Variants in ABR observed in about 807,000 individuals in gnomAD.
ABR encodes the protein active breakpoint cluster region-related protein.
A neutral mutation model predicts 107.2 loss-of-function variants in ABR; 35 were observed. The ratio of observed to expected loss-of-function variants is 0.33; its 90% confidence interval spans 0.25 to 0.43. The LOEUF (loss-of-function observed/expected upper bound fraction) is 0.43, where lower values mean the gene tolerates loss of function less well. Among genes scored for constraint, ABR ranks in the 20% least tolerant of loss-of-function variants. The pLI is 1.00. For missense variants in ABR, 815 were observed against 1,115.2 expected (o/e 0.73, Z 3.83); for synonymous variants, 498 against 462.0 (o/e 1.08, Z -1.00).
chr17:1,122,166 G>A (rs889197228), intron 2 of ABR, among the ~76,000 whole-genome samples: 3 of 152,242 alleles, frequency 2.0e-5, no homozygotes, highest in African/African-American at 4.8e-5. Flanking sequence ...GTCTCCCAGA[G>A]TGCTGGGATT....
At chr17:1,153,003 C>T (rs543386719) in intron 1 of ABR, among the ~76,000 whole-genome samples, 4 of 152,028 alleles carry the variant, frequency 2.6e-5, no homozygotes, top group Admixed American at 6.5e-5. Context: ...GCAGGAGAAT[C>T]GCCTGAACCA....
intron 16 of ABR, among the ~76,000 whole-genome samples, chr17:1,033,848 C>T (rs1029153058): frequency 6.6e-6 from 1 of 152,138 alleles, no homozygotes; most frequent in African/African-American, 2.4e-5. Context: ...ACCCCTCCTT[C>T]GCCTGCCCCT....
chr17:1,147,756 C>A (rs935437066), intron 1 of ABR, among the ~76,000 whole-genome samples: 5 of 152,166 alleles, frequency 3.3e-5, no homozygotes, highest in Non-Finnish European at 7.3e-5. Context: ...CCCAGCCTCA[C>A]GGAAGCTCCA....
intron 1 of ABR, among the ~76,000 whole-genome samples, chr17:1,140,895 C>A (rs2040259029): frequency 6.6e-6 from 1 of 151,728 alleles, no homozygotes; most frequent in Non-Finnish European, 1.5e-5. Context: ...TCTTCTATTG[C>A]ACTGGGAGGC....
chr17:1,179,609 C>A lies in ABR; in HGVS notation c.61+58G>T. ...CCGATCCCGATCCTGGGGTCCCGAT[C>A]TCCATCCTGGGGTCCCGATCCCGAT... On this transcript the variant is annotated intron_variant, in intron 1 of 22. Coordinates refer to ENST00000302538, the MANE Select transcript of ABR (RefSeq NM_021962.5). The surrounding 1 kb of genome is among the most constrained non-coding windows in gnomAD (Gnocchi z 4.9). 6.9e-7 allele frequency: 1 copy of A among 1,441,828 alleles called. No individual in the cohort carries two copies. Among genetic ancestry groups the A allele is most frequent in the Non-Finnish European group, 9.2e-7 (1 of 1,088,290 alleles). The allele number at this position is 1,441,828 out of a possible 1,614,324, so 89.3% of individuals were successfully genotyped here. A position where few individuals can be genotyped will look rare whatever the true frequency, so the allele number is the denominator to read the frequency against.
chr17:1,078,852 ATCTC>A lies in ABR; in HGVS notation c.700+474_700+477del. The stretch of plus-strand genomic sequence containing the variant: ...ACAGCAGAAGCGAATAATGAGGAGA[ATCTC>A]CATGGCAGCCTCTGTCCCCGCGGCG... On this transcript the variant is annotated intron_variant, in intron 6 of 22. Coordinates refer to ENST00000302538, the MANE Select transcript of ABR (RefSeq NM_021962.5). The surrounding 1 kb of genome is among the most constrained non-coding windows in gnomAD (Gnocchi z 7.5). 1 of 1,535,502 alleles carries A rather than the reference ATCTC, an allele frequency of 6.5e-7. No homozygotes were observed. Among genetic ancestry groups the A allele is most frequent in the Non-Finnish European group, 8.7e-7 (1 of 1,146,784 alleles).
intron 2 of ABR, among the ~76,000 whole-genome samples, chr17:1,120,174 G>A (rs964348260): frequency 3.9e-5 from 6 of 152,186 alleles, no homozygotes; most frequent in Non-Finnish European, 7.3e-5. Context: ...AAACCAACAC[G>A]TGAAAGGTTC....
chr17:1,069,949 C>G lies in ABR; in HGVS notation c.1016+20G>C. On this transcript the variant is annotated intron_variant, in intron 9 of 22. Coordinates refer to ENST00000302538, the MANE Select transcript of ABR (RefSeq NM_021962.5). ...CCGGACCCCCTCCCCCGCCCCGTGCCCCTGGACTCACACACTCACCCTGCA... is the reference window on the plus strand; with the variant it reads ...CCGGACCCCCTCCCCCGCCCCGTGCGCCTGGACTCACACACTCACCCTGCA... 1 of 1,602,192 alleles carries G rather than the reference C, an allele frequency of 6.2e-7. No individual in the cohort carries two copies.
chr17:1,206,463 T>G (rs755330964), intron 1 of ABR, among the ~76,000 whole-genome samples: 3 of 152,196 alleles, frequency 2.0e-5, no homozygotes, highest in Non-Finnish European at 4.4e-5. Context: ...CTATGACAGC[T>G]TACTTGCAGC....
chr17:1,101,934 C>A (rs762372532), intron 2 of ABR, among the ~76,000 whole-genome samples: 5 of 152,032 alleles, frequency 3.3e-5, no homozygotes, highest in East Asian at 1.9e-4. Flanking sequence ...GGGATTTCAC[C>A]GTGTTAGCCA....
At chr17:1,101,968 C>CGT (rs1229062606) in intron 2 of ABR, among the ~76,000 whole-genome samples, 2 of 151,946 alleles carry the variant, frequency 1.3e-5, no homozygotes, top group Non-Finnish European at 2.9e-5. Context: ...CTCCTGACCT[C>CGT]GTGATCCGCC....
rs1281628682 is a variant in ABR, at chr17:1,084,939, G to A, written c.532-1312C>T. On this transcript the variant is annotated intron_variant, in intron 4 of 22. Coordinates refer to ENST00000302538, the MANE Select transcript of ABR (RefSeq NM_021962.5). This position sits in a 1 kb window ranked among gnomAD's most constrained non-coding sequence, Gnocchi z 4.2. ...TGCCTCAGCCTCCCGAGTAGCTGGC[G>A]TTACAGGCGCCCGCCACCACGCCTG... Among the ~76,000 whole-genome samples, 4 of 151,486 alleles carry A rather than the reference G, an allele frequency of 2.6e-5. No individual in the cohort carries two copies. Among genetic ancestry groups the A allele is most frequent in the East Asian group, 1.9e-4 (1 of 5,142 alleles).
chr17:1,227,992 C>A (rs566665999), intron 1 of ABR, among the ~76,000 whole-genome samples: 16 of 152,186 alleles, frequency 1.1e-4, no homozygotes, highest in Non-Finnish European at 1.8e-4. Flanking sequence ...AGAGCAGATG[C>A]GAGGGGAGAG....
intron 5 of ABR, among the ~76,000 whole-genome samples, chr17:1,081,958 G>T (rs1234348525): frequency 1.3e-5 from 2 of 151,782 alleles, no homozygotes; most frequent in East Asian, 3.9e-4. Flanking sequence ...TTTCCAAGCT[G>T]CATTTTTTTA....
rs143837471 is a variant in ABR, at chr17:1,158,376, G to A, written c.61+21291C>T. Among the ~76,000 whole-genome samples, 303 of 151,808 alleles carry A rather than the reference G, an allele frequency of 2.0e-3. 1 individual carries two copies. The highest frequency in any genetic ancestry group is 3.1e-3 in the Non-Finnish European group (208 of 67,928). ...CTCCCAGACTGCTGGGATTACAGGCGTGAACCACCGCGCCCAGCCGTCTCG... is the reference window on the plus strand; with the variant it reads ...CTCCCAGACTGCTGGGATTACAGGCATGAACCACCGCGCCCAGCCGTCTCG... On this transcript the variant is annotated intron_variant, in intron 1 of 22. Coordinates refer to ENST00000302538, the MANE Select transcript of ABR (RefSeq NM_021962.5).
chr17:1,197,968 A>G (rs1396671180), intron 1 of ABR, among the ~76,000 whole-genome samples: 1 of 151,742 alleles, frequency 6.6e-6, no homozygotes, highest in African/African-American at 2.4e-5. Context: ...AGACAGGAAC[A>G]CTGCCGCTGC....
At chr17:1,060,136 C>T (rs755119771) in intron 10 of ABR, among the ~76,000 whole-genome samples, 1 of 152,206 alleles carries the variant, frequency 6.6e-6, no homozygotes, top group Non-Finnish European at 1.5e-5. Context: ...TACTGCCAGG[C>T]GCGGTGGCTC....
chr17:1,140,144 C>T (rs962524589), intron 1 of ABR, among the ~76,000 whole-genome samples: 8 of 152,192 alleles, frequency 5.3e-5, no homozygotes, highest in African/African-American at 1.4e-4. Context: ...ACCGCCCCTC[C>T]GTGCTTTGTC....
intron 1 of ABR, among the ~76,000 whole-genome samples, chr17:1,166,598 T>G (rs1460054953): frequency 6.6e-6 from 1 of 152,152 alleles, no homozygotes; most frequent in Non-Finnish European, 1.5e-5. Flanking sequence ...TTAGAGTTTA[T>G]CCTGCAGGAA....
Sources: gnomAD v4.1 joint callset for allele counts (sites outside exome capture counted in the v4.1 genomes callset) on GRCh38, gnomAD v4.1.1 for gene constraint, Gnocchi (gnomAD v3.1) non-coding constraint, MANE v1.5 for transcripts, NCBI Gene and HGNC (gene_info 2026-07-23, HGNC 2026-07-21) for gene names.